The following PHACTR1 variants were observed in gnomAD, a reference collection of about 807,000 sequenced individuals.
PHACTR1 encodes phosphatase and actin regulator 1, also known as RPEL repeat containing 1.
PHACTR1 carries 16 observed loss-of-function variants against 69.2 expected under a neutral mutation model. The observed-to-expected ratio is 0.23, with a 90% confidence interval of 0.16 to 0.35. The LOEUF (loss-of-function observed/expected upper bound fraction) is 0.35. PHACTR1 is among the 10% of genes least tolerant of loss of function. The pLI, the probability that PHACTR1 is intolerant of heterozygous loss-of-function variation, is 1.00. For synonymous variants in PHACTR1, 312 were observed against 284.5 expected, an observed-to-expected ratio of 1.10 and a Z score of -0.97; for missense variants, 510 against 734.7, an observed-to-expected ratio of 0.69 and a Z score of 3.54.
intron 7 of PHACTR1, among the ~76,000 whole-genome samples, chr6:13,197,548 T>TA (rs1554154475): frequency 6.6e-6 from 1 of 151,850 alleles, no homozygotes; most frequent in African/African-American, 2.4e-5. Context: ...TCCTTTTTTT[T>TA]TTATTATTAT....
intron 10 of PHACTR1, among the ~76,000 whole-genome samples, chr6:13,235,174 C>A (rs1223546950): frequency 6.6e-6 from 1 of 152,140 alleles, no homozygotes; most frequent in Admixed American, 6.5e-5. Flanking sequence ...CCAGTGGACA[C>A]ACAGAGACCT....
intron 5 of PHACTR1, among the ~76,000 whole-genome samples, chr6:13,096,944 A>G (rs1214088105): frequency 1.3e-5 from 2 of 152,248 alleles, no homozygotes; most frequent in Non-Finnish European, 2.9e-5. Flanking sequence ...CAAAGGTGAC[A>G]TAGAAAGGCA....
chr6:12,774,150 T>C (rs1038106256), intron 4 of PHACTR1, among the ~76,000 whole-genome samples: 5 of 152,218 alleles, frequency 3.3e-5, no homozygotes, highest in Non-Finnish European at 7.3e-5. Flanking sequence ...ATAGTTTGTA[T>C]TGGAAATATT....
At chr6:12,870,808 T>A (rs944242297) in intron 4 of PHACTR1, among the ~76,000 whole-genome samples, 1 of 152,130 alleles carries the variant, frequency 6.6e-6, no homozygotes, top group African/African-American at 2.4e-5. Context: ...CTTGGACTGG[T>A]GAGTTGGGAA....
At chr6:13,001,699 C>T (rs1798113046) in intron 4 of PHACTR1, among the ~76,000 whole-genome samples, 1 of 152,218 alleles carries the variant, frequency 6.6e-6, no homozygotes, top group African/African-American at 2.4e-5. Flanking sequence ...ATAGTGTGCC[C>T]CCCACTTTGG....
At chr6:12,858,902 A>G (rs1780672413) in intron 4 of PHACTR1, among the ~76,000 whole-genome samples, 1 of 152,126 alleles carries the variant, frequency 6.6e-6, no homozygotes, top group Non-Finnish European at 1.5e-5. Flanking sequence ...CATTTTTTCT[A>G]TTGTTAAGAT....
At chr6:12,979,902 T>G (rs1795310486) in intron 4 of PHACTR1, among the ~76,000 whole-genome samples, 2 of 152,204 alleles carry the variant, frequency 1.3e-5, no homozygotes, top group South Asian at 4.1e-4. Flanking sequence ...TTGGAATGAC[T>G]GATTTAAGAA....
In PHACTR1 at chr6:12,855,370, TCAGTC is replaced by T. The variant is rs57347576; in HGVS notation, c.250+105584_250+105588del. ...AGGAGGCTGAGGCCAGAGGATCTCTTCAGTCCAGAGGTTTGAGGCTGCAGTGAGTT... is the reference window on the plus strand; with the variant it reads ...AGGAGGCTGAGGCCAGAGGATCTCTTCAGAGGTTTGAGGCTGCAGTGAGTT... On this transcript the variant is annotated intron_variant, in intron 4 of 14. Coordinates refer to ENST00000332995, the MANE Select transcript of PHACTR1 (RefSeq NM_030948.6). 4.1e-3 allele frequency among the ~76,000 whole-genome samples: 630 copies of T among 152,228 alleles called. 5 individuals are homozygous for T. The highest frequency in any genetic ancestry group is 0.015 in the African/African-American group (604 of 41,522).
At chr6:13,022,746 G>A (rs1166992292) in intron 4 of PHACTR1, among the ~76,000 whole-genome samples, 1 of 152,094 alleles carries the variant, frequency 6.6e-6, no homozygotes, top group Non-Finnish European at 1.5e-5. Context: ...GTCTGGGTGC[G>A]GTGGCTCACA....
At chr6:12,830,395 G>A (rs888448338) in intron 4 of PHACTR1, among the ~76,000 whole-genome samples, 2 of 151,042 alleles carry the variant, frequency 1.3e-5, no homozygotes, top group Non-Finnish European at 2.9e-5. Context: ...TTCATTTTCT[G>A]CTTTATGGAA....
intron 4 of PHACTR1, among the ~76,000 whole-genome samples, chr6:12,935,914 G>C (rs926527061): frequency 3.9e-5 from 6 of 152,040 alleles, no homozygotes; most frequent in African/African-American, 1.4e-4. Flanking sequence ...GAACCGGGCA[G>C]TCATCTCATG....
At chr6:12,739,604 A>C (rs1283039054) in intron 3 of PHACTR1, among the ~76,000 whole-genome samples, 6 of 152,146 alleles carry the variant, frequency 3.9e-5, no homozygotes, top group Admixed American at 6.5e-5. Context: ...CAGTGGCATG[A>C]AAATGGCTCA....
At chr6:12,954,018 CTG>C (rs1055495934) in intron 4 of PHACTR1, among the ~76,000 whole-genome samples, 1 of 152,110 alleles carries the variant, frequency 6.6e-6, no homozygotes, top group African/African-American at 2.4e-5. Flanking sequence ...GGTGAGGAAA[CTG>C]TTAATTTTGA....
At chr6:13,037,412 T>C (rs575271562) in intron 4 of PHACTR1, among the ~76,000 whole-genome samples, 2 of 152,178 alleles carry the variant, frequency 1.3e-5, no homozygotes, top group Admixed American at 6.5e-5. Flanking sequence ...CATGGTCTGG[T>C]GAAGAAGCTA....
chr6:12,823,019 A>G (rs1776392615), intron 4 of PHACTR1, among the ~76,000 whole-genome samples: 1 of 152,158 alleles, frequency 6.6e-6, no homozygotes. Context: ...GATTTACTGA[A>G]CAATATTGTG....
intron 4 of PHACTR1, among the ~76,000 whole-genome samples, chr6:12,977,197 C>T (rs896304090): frequency 2.6e-5 from 4 of 152,152 alleles, no homozygotes; most frequent in Non-Finnish European, 5.9e-5. Context: ...GGTGATCCAC[C>T]TGCCTCGGCC....
At chr6:12,928,591 C>G (rs1296899626) in intron 4 of PHACTR1, among the ~76,000 whole-genome samples, 1 of 151,112 alleles carries the variant, frequency 6.6e-6, no homozygotes, top group African/African-American at 2.5e-5. Context: ...GCAATTCATT[C>G]CATCTGTCCA....
chr6:13,128,498 A>C (rs1819903867), intron 5 of PHACTR1, among the ~76,000 whole-genome samples: 1 of 151,978 alleles, frequency 6.6e-6, no homozygotes, highest in South Asian at 2.1e-4. Flanking sequence ...ACTTAGATAT[A>C]TACAAAATGC....
At chr6:12,791,250 T>C (rs55860271) in intron 4 of PHACTR1, among the ~76,000 whole-genome samples, 1 of 152,218 alleles carries the variant, frequency 6.6e-6, no homozygotes. Context: ...ACATGTTTTT[T>C]GAATGAGGAT....
Sources: allele counts gnomAD v4.1 joint callset (sites outside exome capture counted in the v4.1 genomes callset), GRCh38; gene constraint gnomAD v4.1.1; transcripts MANE v1.5; gene names NCBI Gene and HGNC (gene_info 2026-07-23, HGNC 2026-07-21).